H2BN1: variants seen among roughly 807,000 people sequenced by gnomAD.
The protein encoded by H2BN1 is histone H2B.N.
chr17:32,898,172 G>A, the H2BN1 span, among the ~76,000 whole-genome samples: 11 of 152,286 alleles, frequency 7.2e-5, no homozygotes, highest in Admixed American at 4.6e-4. Context: ...ATGTGTGTCC[G>A]TGACACAGTC....
chr17:32,901,740 T>A, the H2BN1 span, among the ~76,000 whole-genome samples: 2 of 152,274 alleles, frequency 1.3e-5, no homozygotes, highest in African/African-American at 4.8e-5. Flanking sequence ...AAACTGAAAA[T>A]GGCGAGATGC....
chr17:32,898,125 CAGTT>C, the H2BN1 span, among the ~76,000 whole-genome samples: 4,729 of 152,214 alleles, frequency 0.031, 246 homozygotes, highest in African/African-American at 0.1. Context: ...AGATAGGTCT[CAGTT>C]AGCTTAGAAA....
chr17:32,901,372 T>A, the H2BN1 span, among the ~76,000 whole-genome samples: 1 of 152,196 alleles, frequency 6.6e-6, no homozygotes, highest in Non-Finnish European at 1.5e-5. Flanking sequence ...TAATTATTAA[T>A]TTATAGGGAA....
At chr17:32,899,115 TTTTCTC>T in the H2BN1 span, among the ~76,000 whole-genome samples, 1 of 152,220 alleles carries the variant, frequency 6.6e-6, no homozygotes, top group African/African-American at 2.4e-5. Context: ...GAAATATAAT[TTTTCTC>T]TGTCTAGTTT....
chr17:32,895,544 A>T, the H2BN1 span, among the ~76,000 whole-genome samples: 3 of 152,156 alleles, frequency 2.0e-5, no homozygotes, highest in African/African-American at 7.2e-5. Flanking sequence ...GAAGAAGAGG[A>T]GGTGGAGAAA....
At chr17:32,898,512 C>T in the H2BN1 span, among the ~76,000 whole-genome samples, 2 of 152,146 alleles carry the variant, frequency 1.3e-5, no homozygotes, top group Non-Finnish European at 2.9e-5. Flanking sequence ...TTTGGCTTTT[C>T]CCTTTAGTGA....
chr17:32,897,358 T>TACACAC, the H2BN1 span, among the ~76,000 whole-genome samples: 5,362 of 123,966 alleles, frequency 0.043, 178 homozygotes, highest in Non-Finnish European at 0.059. Flanking sequence ...CTCTCTGTCT[T>TACACAC]ACACACACAC....
the H2BN1 span, among the ~76,000 whole-genome samples, chr17:32,902,354 G>A: frequency 6.6e-6 from 1 of 151,994 alleles, no homozygotes; most frequent in Non-Finnish European, 1.5e-5. Flanking sequence ...TTTATTTTGG[G>A]GTGTGGGCTG....
At chr17:32,900,657 C>G in the H2BN1 span, among the ~76,000 whole-genome samples, 1 of 151,966 alleles carries the variant, frequency 6.6e-6, no homozygotes, top group African/African-American at 2.4e-5. Context: ...TCTTGGCTCA[C>G]TGCAAGCTGC....
At chr17:32,902,928 A>C in the H2BN1 span, among the ~76,000 whole-genome samples, 1 of 152,144 alleles carries the variant, frequency 6.6e-6, no homozygotes, top group Admixed American at 6.5e-5. Flanking sequence ...AAATTTTGAC[A>C]CCTTTATAGT....
At chr17:32,906,286 G>C in the H2BN1 span, 6 of 152,344 alleles carry the variant, frequency 3.9e-5, no homozygotes, top group East Asian at 1.2e-3. Flanking sequence ...AGGCATTTAG[G>C]CTGTCCTTCT....
chr17:32,903,994 C>T, the H2BN1 span, among the ~76,000 whole-genome samples: 1 of 152,216 alleles, frequency 6.6e-6, no homozygotes, highest in African/African-American at 2.4e-5. Context: ...TTTCTCTCTC[C>T]AGAGGTCTAA....
the H2BN1 span, among the ~76,000 whole-genome samples, chr17:32,899,057 CA>C: frequency 8.5e-5 from 13 of 152,096 alleles, no homozygotes; most frequent in Admixed American, 5.2e-4. Context: ...AAAAATCGAA[CA>C]ACATTAGGCA....
At chr17:32,895,521 A>G in the H2BN1 span, among the ~76,000 whole-genome samples, 1 of 152,170 alleles carries the variant, frequency 6.6e-6, no homozygotes, top group African/African-American at 2.4e-5. Flanking sequence ...GAGTGGGCCA[A>G]CTCAGCCACT....
At chr17:32,897,520 G>C in the H2BN1 span, among the ~76,000 whole-genome samples, 1 of 152,184 alleles carries the variant, frequency 6.6e-6, no homozygotes, top group Non-Finnish European at 1.5e-5. Context: ...TACTCTGGTT[G>C]TCTCTCTAAC....
the H2BN1 span, chr17:32,906,070 T>C: frequency 0.097 from 14,764 of 152,274 alleles, 956 homozygotes; most frequent in Middle Eastern, 0.22. Context: ...AGGTCACTTA[T>C]GTTGTTCCAC....
At chr17:32,896,833 T>G in the H2BN1 span, among the ~76,000 whole-genome samples, 6 of 152,084 alleles carry the variant, frequency 3.9e-5, no homozygotes, top group Non-Finnish European at 5.9e-5. Context: ...ACCAAAAATG[T>G]TCAGGCATTG....
At chr17:32,898,066 T>C in the H2BN1 span, among the ~76,000 whole-genome samples, 1 of 152,218 alleles carries the variant, frequency 6.6e-6, no homozygotes, top group Non-Finnish European at 1.5e-5. Flanking sequence ...CCTCTCTTCT[T>C]TCTCATCCCA....
the H2BN1 span, among the ~76,000 whole-genome samples, chr17:32,901,107 C>T: frequency 6.6e-6 from 1 of 151,996 alleles, no homozygotes; most frequent in African/African-American, 2.4e-5. Context: ...ACTTGGGAGG[C>T]TGAGGCAGGA....
Sources: gnomAD v4.1 joint callset for allele counts (sites outside exome capture counted in the v4.1 genomes callset) on GRCh38, gnomAD v4.1.1 for gene constraint, MANE v1.5 for transcripts, NCBI Gene and HGNC (gene_info 2026-07-23, HGNC 2026-07-21) for gene names.